IGF1R: variants seen among roughly 807,000 people sequenced by gnomAD.
IGF1R encodes the protein insulin like growth factor 1 receptor, also known as insulin-like growth factor 1 receptor.
Under a neutral mutation model 144.6 loss-of-function variants are expected in IGF1R, and 44 were observed. That is an observed-to-expected ratio of 0.30 (90% CI 0.24 to 0.39). The LOEUF (loss-of-function observed/expected upper bound fraction) is 0.39, where lower values mean the gene tolerates loss of function less well. Among genes scored for constraint, IGF1R ranks in the 10% least tolerant of loss-of-function variants. The pLI is 1.00. For synonymous variants in IGF1R, 795 were observed against 722.8 expected, an observed-to-expected ratio of 1.10 and a Z score of -1.60; for missense variants, 1,355 against 1,833.7, an observed-to-expected ratio of 0.74 and a Z score of 4.77.
intron 13 of IGF1R, among the ~76,000 whole-genome samples, chr15:98,926,320 C>T (rs945055849): frequency 6.6e-6 from 1 of 151,930 alleles, no homozygotes; most frequent in African/African-American, 2.4e-5. Context: ...GGTGAGGGAG[C>T]AGATTTGGGG....
chr15:98,700,890 C>T (rs1416106256), intron 1 of IGF1R, among the ~76,000 whole-genome samples: 1 of 152,068 alleles, frequency 6.6e-6, no homozygotes, highest in Non-Finnish European at 1.5e-5. Context: ...CTTTATGTTC[C>T]CAGGGTTCTG....
chr15:98,923,405 G>A (rs746978519), intron 11 of IGF1R, among the ~76,000 whole-genome samples: 9 of 152,180 alleles, frequency 5.9e-5, no homozygotes, highest in African/African-American at 1.4e-4. Context: ...CGCGGGCCAC[G>A]GAGGGTCCCT....
rs2012190866 is a variant in IGF1R, at chr15:98,862,114, C to A, written c.641-29211C>A. ...TCAGGAAACTGTAGGGCTTATGATG[C>A]TGGGAAATTTCTGCTAATGCAATAA... On this transcript the variant is annotated intron_variant, in intron 2 of 20. Coordinates refer to ENST00000650285, the MANE Select transcript of IGF1R (RefSeq NM_000875.5). Among the ~76,000 whole-genome samples, 3 of 152,220 alleles carry A rather than the reference C, an allele frequency of 2.0e-5. No individual in the cohort carries two copies. The South Asian group carries it at 6.2e-4, about 31-fold the overall frequency.
In IGF1R at chr15:98,809,189, C is replaced by G. The variant is rs142070062; in HGVS notation, c.641-82136C>G. 2.0e-4 allele frequency among the ~76,000 whole-genome samples: 31 copies of G among 152,336 alleles called. No individual in the cohort carries two copies. The East Asian group carries it at 6.0e-3, about 29-fold the overall frequency. ...CACCCTGCCGTGACCCTGACTCTTT[C>G]CTGCATGTACTGAGGATGGAGGTAG... On this transcript the variant is annotated intron_variant, in intron 2 of 20. Coordinates refer to ENST00000650285, the MANE Select transcript of IGF1R (RefSeq NM_000875.5).
intron 2 of IGF1R, among the ~76,000 whole-genome samples, chr15:98,852,446 C>T (rs1030913108): frequency 6.6e-6 from 1 of 152,260 alleles, no homozygotes. Context: ...CCAATCGCTG[C>T]GTTGGGAAAT....
intron 1 of IGF1R, among the ~76,000 whole-genome samples, chr15:98,702,895 C>T (rs1304562580): frequency 1.3e-5 from 2 of 152,160 alleles, no homozygotes; most frequent in East Asian, 3.9e-4. Flanking sequence ...CACGATTGTG[C>T]TGCAGCACTC....
intron 2 of IGF1R, among the ~76,000 whole-genome samples, chr15:98,798,343 A>G (rs1324439164): frequency 1.3e-5 from 2 of 152,132 alleles, no homozygotes; most frequent in African/African-American, 4.8e-5. Flanking sequence ...AGCTTGGTGC[A>G]TCTTGGTGGG....
chr15:98,869,097 C>A (rs1036545139), intron 2 of IGF1R, among the ~76,000 whole-genome samples: 2 of 151,998 alleles, frequency 1.3e-5, no homozygotes, highest in Non-Finnish European at 2.9e-5. Context: ...TCCTTTTTTT[C>A]TCTTTTTCGA....
chr15:98,863,354 A>G (rs73463613), intron 2 of IGF1R, among the ~76,000 whole-genome samples: 3,148 of 151,900 alleles, frequency 0.021, 116 homozygotes, highest in African/African-American at 0.072. Flanking sequence ...TATCATTACT[A>G]TTTTTCTCTT....
At chr15:98,897,787 C>G (rs1003391510) in intron 4 of IGF1R, among the ~76,000 whole-genome samples, 16 of 152,080 alleles carry the variant, frequency 1.1e-4, no homozygotes, top group Non-Finnish European at 5.9e-5. Flanking sequence ...CCAAGGGCTT[C>G]TAGTAATGGT....
At position 98,714,649 on chromosome 15, in the gene IGF1R, G is replaced by GAA. The variant is rs202232475; in HGVS notation, c.640+6554_640+6555dup. ...GGCGACATAATGAAATCCTGTCTGA[G>GAA]AAAAAAAAAAAAAGATTTTGTAACT... On this transcript the variant is annotated intron_variant, in intron 2 of 20. Transcript: ENST00000650285. 2.3e-3 allele frequency among the ~76,000 whole-genome samples: 304 copies of GAA among 133,220 alleles called. 2 individuals carry two copies. Among genetic ancestry groups the GAA allele is most frequent in the Middle Eastern group, 7.8e-3 (2 of 258 alleles). 87.4% of individuals were successfully genotyped at this position (133,220 alleles called of 152,430 possible). A position where few individuals can be genotyped will look rare whatever the true frequency, so the allele number is the denominator to read the frequency against.
rs2053160511 is a variant in IGF1R, at chr15:98,680,478, G to A, written c.95-27084G>A. Among the ~76,000 whole-genome samples, 4 of 152,116 alleles carry A rather than the reference G, an allele frequency of 2.6e-5. No homozygotes were observed. In the South Asian group the frequency reaches 8.3e-4, roughly 32 times the overall value. On this transcript the variant is annotated intron_variant, in intron 1 of 20. Transcript: ENST00000650285. The stretch of plus-strand genomic sequence containing the variant: ...AGACAGCGTTGCACCGTGTTAGCCA[G>A]GATGGTCTCAATCTCCTGACCTCGT...
chr15:98,841,156 G>A (rs925103308), intron 2 of IGF1R, among the ~76,000 whole-genome samples: 2 of 152,038 alleles, frequency 1.3e-5, no homozygotes, highest in African/African-American at 4.8e-5. Flanking sequence ...TTCAGGGTAC[G>A]AAGAAAAAAG....
chr15:98,893,905 T>G (rs1476008612), intron 3 of IGF1R, among the ~76,000 whole-genome samples: 4 of 152,242 alleles, frequency 2.6e-5, no homozygotes, highest in Non-Finnish European at 5.9e-5. Context: ...ATTTAACAAT[T>G]ACTTTGAAAT....
chr15:98,796,759 A>T (rs770913571), intron 2 of IGF1R, among the ~76,000 whole-genome samples: 5 of 152,242 alleles, frequency 3.3e-5, no homozygotes, highest in Non-Finnish European at 7.3e-5. Flanking sequence ...ACGGACACGA[A>T]TATAAGCTTT....
chr15:98,789,337 G>T (rs967813325), intron 2 of IGF1R, among the ~76,000 whole-genome samples: 1 of 152,114 alleles, frequency 6.6e-6, no homozygotes, highest in Non-Finnish European at 1.5e-5. Context: ...AGGTCGGCTG[G>T]CTAGCCTTTT....
intron 2 of IGF1R, among the ~76,000 whole-genome samples, chr15:98,724,841 T>C (rs2054321664): frequency 6.6e-6 from 1 of 152,146 alleles, no homozygotes. Context: ...ATTTGGTTAG[T>C]CGATGATGCG....
At position 98,916,583 on chromosome 15, in the gene IGF1R, T is replaced by A. The variant is rs538467276; in HGVS notation, c.1997-89T>A. On this transcript the variant is annotated intron_variant, in intron 9 of 20. Transcript: ENST00000650285. Reference sequence around the variant, plus strand: ...GGCCGAGACCAGCTATCTTCTTGATTAAAGGTACTGAGAGCTATTATTTTT... The same window carrying A: ...GGCCGAGACCAGCTATCTTCTTGATAAAAGGTACTGAGAGCTATTATTTTT... 6.1e-6 allele frequency: 7 copies of A among 1,149,298 alleles called. No homozygotes were observed. The African/African-American group carries it at 9.1e-5, about 15-fold the overall frequency. The allele number at this position is 1,149,298 out of a possible 1,614,324, so 71.2% of individuals were successfully genotyped here.
At chr15:98,786,710 T>C (rs2056006088) in intron 2 of IGF1R, among the ~76,000 whole-genome samples, 2 of 152,180 alleles carry the variant, frequency 1.3e-5, no homozygotes, top group South Asian at 4.1e-4. Context: ...TTTTCACTCA[T>C]AGGATTTTTT....
Sources: allele counts gnomAD v4.1 joint callset (sites outside exome capture counted in the v4.1 genomes callset), GRCh38; gene constraint gnomAD v4.1.1; transcripts MANE v1.5; gene names NCBI Gene and HGNC (gene_info 2026-07-23, HGNC 2026-07-21).